GRM5: variants seen among roughly 807,000 people sequenced by gnomAD.
GRM5 encodes the protein metabotropic glutamate receptor 5.
A neutral mutation model predicts 83.1 loss-of-function variants in GRM5; 19 were observed. That is an observed-to-expected ratio of 0.23 (90% CI 0.16 to 0.34). The LOEUF (loss-of-function observed/expected upper bound fraction) is 0.34. Ranked by LOEUF, GRM5 falls within the 10% of genes least tolerant of loss-of-function variation. The pLI is 1.00. For missense variants in GRM5, 1,160 were observed against 1,588.3 expected (o/e 0.73, Z 4.58); for synonymous variants, 675 against 633.6 (o/e 1.07, Z -0.98).
At chr11:88,523,781 C>T (rs1941774097) in intron 9 of GRM5, among the ~76,000 whole-genome samples, 1 of 152,096 alleles carries the variant, frequency 6.6e-6, no homozygotes, top group Non-Finnish European at 1.5e-5. Context: ...TATGAATAGT[C>T]CACCAGCAGT....
rs576204926 is a variant in GRM5, at chr11:88,711,262, C to A, written c.912-57859G>T. Reference sequence around the variant, plus strand: ...TCAACAAAGCCATAAATATTCTGACCTCACTTGCCTTCCTCTGTCTATCCT... The same window carrying A: ...TCAACAAAGCCATAAATATTCTGACATCACTTGCCTTCCTCTGTCTATCCT... On this transcript the variant is annotated intron_variant, in intron 3 of 9. Transcript: ENST00000305447. 2.0e-5 allele frequency among the ~76,000 whole-genome samples: 3 copies of A among 152,176 alleles called. No individual in the cohort carries two copies. In the South Asian group the frequency reaches 6.2e-4, roughly 32 times the overall value.
chr11:88,632,246 A>T (rs888991771), intron 4 of GRM5, among the ~76,000 whole-genome samples: 65 of 94,312 alleles, frequency 6.9e-4, no homozygotes, highest in Non-Finnish European at 1.2e-3. Context: ...CACAGTATGT[A>T]CTTTTTTTTT....
chr11:88,688,255 A>T lies in GRM5; in HGVS notation c.912-34852T>A, dbSNP rs1940695668. Among the ~76,000 whole-genome samples, 3 of 152,292 alleles carry T rather than the reference A, an allele frequency of 2.0e-5. No individual in the cohort carries two copies. In the South Asian group the frequency reaches 6.2e-4, roughly 32 times the overall value. On this transcript the variant is annotated intron_variant, in intron 3 of 9. Transcript: ENST00000305447. ...CCTGCAGGCACTAAATAGTGGATAAAATATAGTTTACATTTTAACAACTAG... is the reference window on the plus strand; with the variant it reads ...CCTGCAGGCACTAAATAGTGGATAATATATAGTTTACATTTTAACAACTAG...
intron 2 of GRM5, among the ~76,000 whole-genome samples, chr11:88,993,347 G>A (rs7358491): frequency 0.61 from 92,683 of 150,966 alleles, 29,948 homozygotes; most frequent in African/African-American, 0.82. Context: ...CAGTTATTGA[G>A]GAGACTTTTC....
intron 8 of GRM5, among the ~76,000 whole-genome samples, chr11:88,545,460 C>T (rs922215304): frequency 6.6e-6 from 1 of 151,134 alleles, no homozygotes; most frequent in African/African-American, 2.4e-5. Context: ...GTTGGCCCCC[C>T]CTCCCCCACC....
In GRM5 at chr11:88,766,227, A is replaced by T. The variant is rs146809304; in HGVS notation, c.911+83679T>A. Reference sequence around the variant, plus strand: ...ACTATTTTATAATTTCTATGAAGCCACAAAGGAGCTCAAATAGCTAAGGCA... The same window carrying T: ...ACTATTTTATAATTTCTATGAAGCCTCAAAGGAGCTCAAATAGCTAAGGCA... On this transcript the variant is annotated intron_variant, in intron 3 of 9. Transcript: ENST00000305447. Among the ~76,000 whole-genome samples, 737 of 152,098 alleles carry T rather than the reference A, an allele frequency of 4.8e-3. 1 individual carries two copies. Among genetic ancestry groups the T allele is most frequent in the Non-Finnish European group, 8.6e-3 (583 of 67,908 alleles).
intron 2 of GRM5, among the ~76,000 whole-genome samples, chr11:88,867,769 C>A (rs2135558093): frequency 6.6e-6 from 1 of 151,784 alleles, no homozygotes; most frequent in East Asian, 2.0e-4. Flanking sequence ...GAGACAGATC[C>A]TCAGAAGGAA....
chr11:88,695,643 T>G (rs908944263), intron 3 of GRM5, among the ~76,000 whole-genome samples: 1 of 152,340 alleles, frequency 6.6e-6, no homozygotes, highest in East Asian at 1.9e-4. Context: ...TTTCTATACC[T>G]TCCAAATACA....
chr11:88,574,504 C>G (rs1943065140), intron 7 of GRM5, among the ~76,000 whole-genome samples: 2 of 152,098 alleles, frequency 1.3e-5, no homozygotes, highest in Admixed American at 6.6e-5. Context: ...TGCAGTGGCT[C>G]ATGCCTGTAA....
Position 88,509,268 on chromosome 11 carries a change from C to T in GRM5, c.2963G>A (p.Gly988Asp). The change falls in exon 10 of 10, where the codon GGC becomes GAC. Residue 988 changes from glycine (G) to aspartate (D), a missense_variant. Gly to Asp is a moderately conservative substitution (Grantham distance 94). This residue lies in a region of GRM5 where 562 missense variants were observed against 532.4 expected (regional missense o/e 1.06). Coordinates refer to ENST00000305447, the MANE Select transcript of GRM5 (RefSeq NM_001143831.3). ...GGAGCAGAGP[G>D]GPESPDAGPK... ...GCCGGCGTCTGGGGACTCGGGCCCG[C>T]CTGGGCCGGCGCCTGCGCAGCCCGC... The T allele has an allele frequency of 6.8e-7, 1 of 1,472,610 alleles. No individual in the cohort carries two copies. The highest frequency in any genetic ancestry group is 1.3e-5 in the South Asian group (1 of 75,890). The allele number at this position is 1,472,610 out of a possible 1,614,324, so 91.2% of individuals were successfully genotyped here. A position where few individuals can be genotyped will look rare whatever the true frequency, so the allele number is the denominator to read the frequency against.
rs544220227 is a variant in GRM5 at position 88,738,055 on chromosome 11, C to T, written c.912-84652G>A. On this transcript the variant is annotated intron_variant, in intron 3 of 9. Coordinates refer to ENST00000305447, the MANE Select transcript of GRM5 (RefSeq NM_001143831.3). ...AATAGATTTTTAAAATTCATGTATT[C>T]AGAGAGTATTTTTTGAAGCAAGACA... Among the ~76,000 whole-genome samples the T allele has an allele frequency of 5.4e-5, 6 of 111,514 alleles. No individual in the cohort carries two copies. In the South Asian group the frequency reaches 8.8e-4, roughly 16 times the overall value. The allele number at this position is 111,514 out of a possible 152,430, so 73.2% of individuals were successfully genotyped here. A position where few individuals can be genotyped will look rare whatever the true frequency, so the allele number is the denominator to read the frequency against.
At chr11:88,540,999 C>T (rs912559786) in intron 8 of GRM5, among the ~76,000 whole-genome samples, 3 of 152,236 alleles carry the variant, frequency 2.0e-5, no homozygotes, top group South Asian at 2.1e-4. Context: ...ATCCGCCCGC[C>T]TCGGCTTCCC....
intron 2 of GRM5, among the ~76,000 whole-genome samples, chr11:88,872,161 C>G (rs1944779283): frequency 6.6e-6 from 1 of 151,250 alleles, no homozygotes; most frequent in Non-Finnish European, 1.5e-5. Context: ...TTTTGTGAGA[C>G]TAATGAAAGC....
intron 2 of GRM5, among the ~76,000 whole-genome samples, chr11:88,954,877 G>C (rs1308329373): frequency 6.6e-6 from 1 of 152,136 alleles, no homozygotes; most frequent in Non-Finnish European, 1.5e-5. Context: ...TCGGATGGGT[G>C]AATGTAGAAA....
chr11:88,747,590 TCTTC>T (rs1051268957), intron 3 of GRM5, among the ~76,000 whole-genome samples: 2 of 152,098 alleles, frequency 1.3e-5, no homozygotes, highest in African/African-American at 4.8e-5. Flanking sequence ...GTCAAGTAGT[TCTTC>T]CTTATCTAAC....
chr11:89,033,471 C>T (rs745812804), intron 2 of GRM5, among the ~76,000 whole-genome samples: 1 of 151,900 alleles, frequency 6.6e-6, no homozygotes, highest in Non-Finnish European at 1.5e-5. Context: ...TGTGTACAAT[C>T]TACAAAACTC....
intron 3 of GRM5, among the ~76,000 whole-genome samples, chr11:88,681,658 C>T (rs983624803): frequency 8.7e-5 from 12 of 138,254 alleles, no homozygotes; most frequent in Admixed American, 8.0e-4. Context: ...TGCAACCTCC[C>T]CTCCTGGGTT....
chr11:88,936,390 G>A (rs556821250), intron 2 of GRM5, among the ~76,000 whole-genome samples: 1 of 151,798 alleles, frequency 6.6e-6, no homozygotes, highest in East Asian at 1.9e-4. Context: ...TTTATTAAAG[G>A]AAAAAAGAGG....
intron 3 of GRM5, among the ~76,000 whole-genome samples, chr11:88,741,392 T>G (rs945116451): frequency 6.6e-6 from 1 of 152,076 alleles, no homozygotes; most frequent in Non-Finnish European, 1.5e-5. Flanking sequence ...CTACAGTGAT[T>G]AGACTTCTTG....
Sources: gnomAD v4.1 joint callset for allele counts (sites outside exome capture counted in the v4.1 genomes callset) on GRCh38, gnomAD v4.1.1 for gene constraint, gnomAD v4.1.1 regional missense constraint, MANE v1.5 for transcripts, NCBI Gene and HGNC (gene_info 2026-07-23, HGNC 2026-07-21) for gene names.